SOD2: variants seen among roughly 807,000 people sequenced by gnomAD.
SOD2 encodes superoxide dismutase [Mn], mitochondrial.
Under a neutral mutation model 27.0 loss-of-function variants are expected in SOD2, and 11 were observed. The ratio of observed to expected loss-of-function variants is 0.41; its 90% CI spans 0.26 to 0.67. SOD2 has a LOEUF of 0.67. SOD2 is among the 30% of genes least tolerant of loss of function. SOD2 has a pLI of 0.34. For synonymous variants in SOD2, 105 were observed against 103.0 expected (o/e 1.02, Z -0.12); for missense variants, 250 against 274.5 (o/e 0.91, Z 0.63).
At chr6:159,738,485 T>C (rs1346011992) in intron 1 of SOD2, among the ~76,000 whole-genome samples, 1 of 152,238 alleles carries the variant, frequency 6.6e-6, no homozygotes, top group Non-Finnish European at 1.5e-5. Context: ...CATTTGCCTG[T>C]TAAAGGACAT....
chr6:159,724,461 T>C (rs145722908), intron 1 of SOD2, among the ~76,000 whole-genome samples: 211 of 152,356 alleles, frequency 1.4e-3, no homozygotes, highest in African/African-American at 4.9e-3. Flanking sequence ...AAAGCTCCTG[T>C]GCACTTTTTT....
At chr6:159,743,810 T>TATAA in intron 1 of SOD2, 1 of 1,584,730 alleles carries the variant, frequency 6.3e-7, no homozygotes, top group Non-Finnish European at 8.6e-7. Context: ...TTTCAAGTTA[T>TATAA]ATAAATGTCT....
upstream of SOD2, chr6:159,727,642 G>GGCAAGCAGC: frequency 4.1e-6 from 4 of 986,048 alleles, no homozygotes; most frequent in Non-Finnish European, 4.8e-6. Flanking sequence ...CGGGCGGCAG[G>GGCAAGCAGC]GCAAGCAGCG....
intron 1 of SOD2, among the ~76,000 whole-genome samples, chr6:159,735,509 G>T (rs899016267): frequency 3.3e-5 from 5 of 152,284 alleles, no homozygotes; most frequent in Admixed American, 6.5e-5. Context: ...CCAGCACTTT[G>T]GGAGGCCAAG....
At chr6:159,713,611 TG>T in intron 1 of SOD2, 1 of 993,920 alleles carries the variant, frequency 1.0e-6, no homozygotes, top group Non-Finnish European at 1.6e-6. Flanking sequence ...TGAAAAGAAA[TG>T]AACAATCTCT....
Position 159,672,514 on chromosome 6 carries a change from A to G in SOD2, c.*9979T>C, listed in dbSNP as rs894237766. ...ACTAAGCTTCATAAGTGAAGGAGAA[A>G]TAAAATCCTTTACAAACAAGCAAAT... On this transcript the variant is annotated 3_prime_UTR_variant, in exon 5 of 5. Transcript: ENST00000538183. 3 of 152,224 alleles carry G rather than the reference A, an allele frequency of 2.0e-5. No individual in the cohort carries two copies. Among genetic ancestry groups the G allele is most frequent in the African/African-American group, 7.2e-5 (3 of 41,446 alleles). The allele number at this position is 152,224 out of a possible 1,614,324, so 9.4% of individuals were successfully genotyped here.
At chr6:159,689,803 T>C (rs1364740928) in intron 2 of SOD2, among the ~76,000 whole-genome samples, 1 of 151,006 alleles carries the variant, frequency 6.6e-6, no homozygotes, top group East Asian at 2.0e-4. Context: ...TCACTAAAAA[T>C]ACAGAAATTA....
At chr6:159,746,669 A>G (rs1341739721), upstream of SOD2, among the ~76,000 whole-genome samples, 1 of 152,152 alleles carries the variant, frequency 6.6e-6, no homozygotes, top group Non-Finnish European at 1.5e-5. Flanking sequence ...TCTTAACTAT[A>G]TTTTATTTTG....
At position 159,679,210 on chromosome 6, in the gene SOD2, C is replaced by T. The variant is rs1779847172; in HGVS notation, c.*3283G>A. ...AATGAATAATCAAACAAAAATTATC[C>T]AGGACCTTATAGGGTTTTCAGTATG... On this transcript the variant is annotated 3_prime_UTR_variant, in exon 5 of 5. Coordinates refer to ENST00000538183, the MANE Select transcript of SOD2 (RefSeq NM_000636.4). The T allele has an allele frequency of 6.6e-6, 1 of 152,094 alleles. No homozygotes were observed. Among genetic ancestry groups the T allele is most frequent in the African/African-American group, 2.4e-5 (1 of 41,398 alleles). The allele number at this position is 152,094 out of a possible 1,614,324, so 9.4% of individuals were successfully genotyped here.
Position 159,720,047 on chromosome 6 carries a change from G to T in SOD2, c.-116+7082C>A, listed in dbSNP as rs1173752404. On this transcript the variant is annotated intron_variant, in intron 1 of 2. Transcript: ENST00000401980. ...CCTTGCTTTTTTTTTTTTTTGGTGG[G>T]GGGGACAGAGTCTCACTCCGTCTCC... Among the ~76,000 whole-genome samples, 10 of 144,132 alleles carry T rather than the reference G, an allele frequency of 6.9e-5. No individual in the cohort carries two copies. In the East Asian group the frequency reaches 1.5e-3, roughly 21 times the overall value. The allele number at this position is 144,132 out of a possible 152,430, so 94.6% of individuals were successfully genotyped here. A position where few individuals can be genotyped will look rare whatever the true frequency, so the allele number is the denominator to read the frequency against.
chr6:159,751,454 T>A (rs1202437412), intron 1 of SOD2, among the ~76,000 whole-genome samples: 1 of 152,234 alleles, frequency 6.6e-6, no homozygotes, highest in African/African-American at 2.4e-5. Flanking sequence ...GGCAGTAAAG[T>A]GGAAGGAATT....
chr6:159,728,797 A>C (rs1435943681), upstream of SOD2, among the ~76,000 whole-genome samples: 7 of 152,224 alleles, frequency 4.6e-5, no homozygotes, highest in Non-Finnish European at 2.9e-5. Flanking sequence ...GGGTTTGGGT[A>C]GGTGTGTTTC....
chr6:159,755,191 T>G (rs1192398903), intron 1 of SOD2: 23 of 1,614,072 alleles, frequency 1.4e-5, no homozygotes, highest in Non-Finnish European at 1.8e-5. Context: ...CTACAGCTTC[T>G]GAACCTGTAG....
At chr6:159,718,767 A>G (rs1269205348) in intron 1 of SOD2, among the ~76,000 whole-genome samples, 1 of 152,130 alleles carries the variant, frequency 6.6e-6, no homozygotes, top group African/African-American at 2.4e-5. Context: ...GTAAATAAAT[A>G]ATGTGTCTTA....
upstream of SOD2, among the ~76,000 whole-genome samples, chr6:159,729,500 T>G (rs1309698904): frequency 9.9e-5 from 15 of 152,254 alleles, no homozygotes; most frequent in Admixed American, 8.5e-4. Flanking sequence ...AAGATGTAGT[T>G]AATAGAATTT....
chr6:159,708,649 G>A (rs1169279221), intron 1 of SOD2, among the ~76,000 whole-genome samples: 1 of 152,176 alleles, frequency 6.6e-6, no homozygotes, highest in Non-Finnish European at 1.5e-5. Context: ...AACATTCCAT[G>A]GTCATGGATG....
chr6:159,701,547 G>A (rs554408746), intron 1 of SOD2, among the ~76,000 whole-genome samples: 1 of 147,514 alleles, frequency 6.8e-6, no homozygotes, highest in African/African-American at 2.5e-5. Flanking sequence ...CTCCAGCCTG[G>A]TGACAGAGTG....
At chr6:159,713,857 G>T in intron 1 of SOD2, 1 of 1,081,342 alleles carries the variant, frequency 9.2e-7, no homozygotes, top group Non-Finnish European at 1.4e-6. Flanking sequence ...CGGTGTAGAT[G>T]AAACAAATAC....
chr6:159,711,688 C>T (rs1278656062), intron 1 of SOD2, among the ~76,000 whole-genome samples: 1 of 114,690 alleles, frequency 8.7e-6, no homozygotes, highest in Non-Finnish European at 1.9e-5. Context: ...ATAACCACCT[C>T]CATAACCACC....
Sources: gnomAD v4.1 joint callset for allele counts (sites outside exome capture counted in the v4.1 genomes callset) on GRCh38, gnomAD v4.1.1 for gene constraint, MANE v1.5 for transcripts, NCBI Gene and HGNC (gene_info 2026-07-23, HGNC 2026-07-21) for gene names.